The following IL16 variants were observed in gnomAD, a reference collection of about 807,000 sequenced individuals.
The protein encoded by IL16 is pro-interleukin-16.
A neutral mutation model predicts 110.1 loss-of-function variants in IL16; 67 were observed. The observed-to-expected ratio is 0.61, with a 90% CI of 0.50 to 0.75. The LOEUF is 0.75. Among genes scored for constraint, IL16 ranks in the 30% least tolerant of loss-of-function variants. The pLI, the probability that IL16 is intolerant of heterozygous loss-of-function variation, is 0.00. For missense variants in IL16, 1,545 were observed against 1,655.0 expected (o/e 0.93, Z 1.15); for synonymous variants, 689 against 662.9 (o/e 1.04, Z -0.61).
At chr15:81,237,104 C>A (rs1388802550) in intron 2 of IL16, among the ~76,000 whole-genome samples, 1 of 152,212 alleles carries the variant, frequency 6.6e-6, no homozygotes, top group Non-Finnish European at 1.5e-5. Context: ...TGCCTCCAAG[C>A]CTTTGTCCTT....
chr15:81,306,707 CT>C, intron 18 of IL16, 162 bp downstream of exon 18: 1 of 833,822 alleles, frequency 1.2e-6, no homozygotes. Context: ...GCTTTTTCTA[CT>C]TTTTCTCCTT....
intron 1 of IL16, among the ~76,000 whole-genome samples, chr15:81,224,141 C>A (rs144403973): frequency 1.3e-5 from 2 of 152,110 alleles, no homozygotes; most frequent in East Asian, 3.8e-4. Context: ...GTGTGCAATT[C>A]GAGTGCTGAA....
In IL16 at chr15:81,245,546, C is replaced by T. The variant is rs141834763; in HGVS notation, c.313-14226C>T. On this transcript the variant is annotated intron_variant, in intron 2 of 18. Transcript: ENST00000683961. ...CCTTCTCTGACAGTACCCCAACGGC[C>T]GGGTTGGAGTAAGTTGTTACTACCT... 3.9e-4 allele frequency among the ~76,000 whole-genome samples: 60 copies of T among 152,184 alleles called. No individual in the cohort carries two copies. The East Asian group carries it at 9.3e-3, about 24-fold the overall frequency.
chr15:81,208,083 G>C (rs1167885042), intron 1 of IL16, among the ~76,000 whole-genome samples: 2 of 152,192 alleles, frequency 1.3e-5, no homozygotes, highest in Non-Finnish European at 2.9e-5. Context: ...ACTGGTGTGA[G>C]ATGATATCTC....
chr15:81,303,303 G>A lies in IL16; in HGVS notation c.3319-246G>A. 2.1e-6 allele frequency: 1 copy of A among 468,704 alleles called. No homozygotes were observed. The highest frequency in any genetic ancestry group is 2.4e-5 in the South Asian group (1 of 41,032). 29.0% of individuals were successfully genotyped at this position (468,704 alleles called of 1,614,324 possible). ...CTCCCCCTGCCCGGCTGTGGACAGGGTGAATGAGAGAGGAAAATAATTATG... is the reference window on the plus strand; with the variant it reads ...CTCCCCCTGCCCGGCTGTGGACAGGATGAATGAGAGAGGAAAATAATTATG... On this transcript the variant is annotated intron_variant, in intron 15 of 18. Transcript: ENST00000683961. The surrounding 1 kb of genome is among the most constrained non-coding windows in gnomAD (Gnocchi z 4.1).
chr15:81,282,904 T>C, intron 9 of IL16, 148 bp downstream of exon 9: 5 of 740,012 alleles, frequency 6.8e-6, no homozygotes, highest in Non-Finnish European at 1.2e-5. Flanking sequence ...GGACACCCCC[T>C]GTTGTGGGCA....
At chr15:81,271,332 G>T (rs1310287604) in intron 5 of IL16, among the ~76,000 whole-genome samples, 1 of 151,594 alleles carries the variant, frequency 6.6e-6, no homozygotes, top group Non-Finnish European at 1.5e-5. Context: ...AATTAACCCG[G>T]TATGCTGGCA....
At chr15:81,291,454 A>G (rs1025770968) in intron 11 of IL16, among the ~76,000 whole-genome samples, 3 of 152,122 alleles carry the variant, frequency 2.0e-5, no homozygotes, top group Admixed American at 6.5e-5. Context: ...TCAGGAAAAA[A>G]AAAAAGAAAA....
At chr15:81,205,005 A>T (rs1457713113) in intron 1 of IL16, among the ~76,000 whole-genome samples, 2 of 152,122 alleles carry the variant, frequency 1.3e-5, no homozygotes, top group African/African-American at 2.4e-5. Flanking sequence ...ATTTTGAAAT[A>T]AAGCAAATGA....
chr15:81,282,504 A>G, intron 8 of IL16, 135 bp from the exon 9 acceptor site: 1 of 708,460 alleles, frequency 1.4e-6, no homozygotes, highest in South Asian at 1.6e-5. Context: ...CCTGCACACA[A>G]CGACTACTCT....
rs1898533263 is a variant in IL16 at position 81,269,420 on chromosome 15, C to T, written c.565-118C>T. 4 of 717,194 alleles carry T rather than the reference C, an allele frequency of 5.6e-6. No homozygotes were observed. In the African/African-American group the frequency reaches 7.0e-5, roughly 13 times the overall value. 44.4% of individuals were successfully genotyped at this position (717,194 alleles called of 1,614,324 possible). On this transcript the variant is annotated intron_variant, in intron 4 of 18. Coordinates refer to ENST00000683961, the MANE Select transcript of IL16 (RefSeq NM_172217.5). ...CACATTCTGGTTGTTACGCTGCCTG[C>T]CCTTAGGAGAAAGAGGACTTGGTTC...
intron 17 of IL16, 91 bp from the exon 18 acceptor site, chr15:81,306,329 G>T: frequency 1.3e-6 from 2 of 1,565,310 alleles, no homozygotes; most frequent in Middle Eastern, 2.3e-4. Context: ...CAAACACGGG[G>T]GCTGTATCAC....
At chr15:81,207,403 T>C (rs1390308463) in intron 1 of IL16, among the ~76,000 whole-genome samples, 2 of 152,088 alleles carry the variant, frequency 1.3e-5, no homozygotes, top group African/African-American at 4.8e-5. Context: ...TATTTTAAAT[T>C]TCAACTTTAT....
intron 6 of IL16, among the ~76,000 whole-genome samples, chr15:81,275,042 G>A (rs770080773): frequency 1.3e-5 from 2 of 152,018 alleles, no homozygotes; most frequent in Non-Finnish European, 2.9e-5. Context: ...GACAGAGCCT[G>A]AGCAGAGGTC....
At chr15:81,275,561 G>C (rs1898874128) in intron 6 of IL16, among the ~76,000 whole-genome samples, 1 of 152,036 alleles carries the variant, frequency 6.6e-6, no homozygotes, top group Admixed American at 6.5e-5. Context: ...GGTGGGGGAA[G>C]GGTTGAAGTG....
intron 2 of IL16, among the ~76,000 whole-genome samples, chr15:81,258,537 C>A (rs1596001412): frequency 6.6e-6 from 1 of 151,964 alleles, no homozygotes. Context: ...TCCGTCTCTA[C>A]AAAAAATACA....
In IL16 at chr15:81,197,135, G is replaced by C. The variant is rs1895624098; in HGVS notation, c.-119G>C. On this transcript the variant is annotated 5_prime_UTR_variant, in exon 1 of 19. Transcript: ENST00000683961. ...GCAGCCCCGGGGGACTGTGCATAGG[G>C]AGGTAGGTGGGCACCAGGTGAGTGA... 1 of 1,288,418 alleles carries C rather than the reference G, an allele frequency of 7.8e-7. No homozygotes were observed. The highest frequency in any genetic ancestry group is 2.3e-5 in the Admixed American group (1 of 43,450). The allele number at this position is 1,288,418 out of a possible 1,614,324, so 79.8% of individuals were successfully genotyped here. A position where few individuals can be genotyped will look rare whatever the true frequency, so the allele number is the denominator to read the frequency against.
chr15:81,281,166 A>G (rs1234210912), intron 8 of IL16, among the ~76,000 whole-genome samples: 1 of 152,208 alleles, frequency 6.6e-6, no homozygotes, highest in Non-Finnish European at 1.5e-5. Context: ...CAAATTCTTC[A>G]TCCATAAAAT....
chr15:81,188,804 A>G (rs1354554927), intron 1 of IL16, among the ~76,000 whole-genome samples: 1 of 151,420 alleles, frequency 6.6e-6, no homozygotes, highest in Non-Finnish European at 1.5e-5. Flanking sequence ...ACAGCTACTT[A>G]GCATCCAGTT....
Sources: allele counts gnomAD v4.1 joint callset (sites outside exome capture counted in the v4.1 genomes callset), GRCh38; gene constraint gnomAD v4.1.1; non-coding constraint Gnocchi (gnomAD v3.1); transcripts MANE v1.5; gene names NCBI Gene and HGNC (gene_info 2026-07-23, HGNC 2026-07-21).